Variants in PRRC2B observed in about 807,000 individuals in gnomAD.
PRRC2B encodes proline rich coiled-coil 2B.
A neutral mutation model predicts 242.3 loss-of-function variants in PRRC2B; 68 were observed. The observed-to-expected ratio is 0.28, with a 90% CI of 0.23 to 0.34. PRRC2B has a LOEUF of 0.34. PRRC2B is among the 10% of genes least tolerant of loss of function. The probability of loss-of-function intolerance (pLI) is 1.00; values close to 1 mark genes in which losing one functional copy is unlikely to be tolerated. For missense variants in PRRC2B, 2,835 were observed against 2,954.8 expected, an observed-to-expected ratio of 0.96 and a Z score of 0.94; for synonymous variants, 1,228 against 1,173.6, an observed-to-expected ratio of 1.05 and a Z score of -0.95.
intron 1 of PRRC2B, among the ~76,000 whole-genome samples, chr9:131,405,371 C>T (rs566046851): frequency 3.3e-5 from 5 of 152,302 alleles, no homozygotes; most frequent in African/African-American, 1.2e-4. Flanking sequence ...GAGCCTGGTG[C>T]ATAAAATTCA....
intron 1 of PRRC2B, among the ~76,000 whole-genome samples, chr9:131,394,596 C>A (rs1480190201): frequency 2.7e-5 from 4 of 150,914 alleles, no homozygotes; most frequent in African/African-American, 9.7e-5. Flanking sequence ...CCCCCGAGGC[C>A]GGGCCGGGCT....
At chr9:131,396,279 T>G (rs1837053417) in intron 1 of PRRC2B, among the ~76,000 whole-genome samples, 2 of 151,188 alleles carry the variant, frequency 1.3e-5, no homozygotes, top group South Asian at 4.2e-4. Flanking sequence ...TCCCTCCCTT[T>G]CCCTTCCTTT....
In PRRC2B at chr9:131,499,263, C is replaced by G. The variant is rs1944407590; in HGVS notation, c.*3389C>G. Reference sequence around the variant, plus strand: ...AGCTGAGCACACACAGGTGCACAGCCATGCTGTGGTCTGGCCTGCTACGGC... The same window carrying G: ...AGCTGAGCACACACAGGTGCACAGCGATGCTGTGGTCTGGCCTGCTACGGC... On this transcript the variant is annotated 3_prime_UTR_variant, in exon 32 of 32. Coordinates refer to ENST00000683519, the MANE Select transcript of PRRC2B (RefSeq NM_013318.4). 1 of 152,316 alleles carries G rather than the reference C, an allele frequency of 6.6e-6. No homozygotes were observed. The highest frequency in any genetic ancestry group is 1.9e-4 in the East Asian group (1 of 5,172). 9.4% of individuals were successfully genotyped at this position (152,316 alleles called of 1,614,324 possible).
chr9:131,401,444 C>T (rs1473928896), intron 1 of PRRC2B, among the ~76,000 whole-genome samples: 1 of 151,306 alleles, frequency 6.6e-6, no homozygotes, highest in African/African-American at 2.4e-5. Flanking sequence ...TGCAGTGGCA[C>T]GATCTTGGCT....
rs138455227 is a variant in PRRC2B, at chr9:131,388,606, C to T, written c.-56+14875C>T. ...GTCACCAGGCTGGAGTGCAGTGGCGCGATCTTGGCTCACTGCAACCTCCGC... is the reference window on the plus strand; with the variant it reads ...GTCACCAGGCTGGAGTGCAGTGGCGTGATCTTGGCTCACTGCAACCTCCGC... On this transcript the variant is annotated intron_variant, in intron 1 of 1. Transcript: ENST00000682525. Among the ~76,000 whole-genome samples, 525 of 145,306 alleles carry T rather than the reference C, an allele frequency of 3.6e-3. 13 individuals are homozygous for T. Among genetic ancestry groups the T allele is most frequent in the Middle Eastern group, 0.015 (4 of 264 alleles).
intron 23 of PRRC2B, 109 bp downstream of exon 23, chr9:131,483,554 C>A: frequency 2.2e-6 from 2 of 912,486 alleles, no homozygotes; most frequent in South Asian, 1.4e-5. Flanking sequence ...GCACGTGACT[C>A]AGTTGCTAGC....
intron 11 of PRRC2B, among the ~76,000 whole-genome samples, chr9:131,460,014 G>T (rs1341115932): frequency 1.4e-5 from 2 of 140,494 alleles, no homozygotes; most frequent in African/African-American, 5.4e-5. Flanking sequence ...AATTAAAACA[G>T]CTTCAAAGTG....
In PRRC2B at chr9:131,482,656, G is replaced by C. The variant is rs2131463469; in HGVS notation, c.5176-54G>C. 1.3e-6 allele frequency: 2 copies of C among 1,522,450 alleles called. No homozygotes were observed. Among genetic ancestry groups the C allele is most frequent in the East Asian group, 4.6e-5 (2 of 43,436 alleles). 94.3% of individuals were successfully genotyped at this position (1,522,450 alleles called of 1,614,324 possible). A position where few individuals can be genotyped will look rare whatever the true frequency, so the allele number is the denominator to read the frequency against. On this transcript the variant is annotated intron_variant, in intron 21 of 31. Coordinates refer to ENST00000683519, the MANE Select transcript of PRRC2B (RefSeq NM_013318.4). The surrounding 1 kb of genome is among the most constrained non-coding windows in gnomAD (Gnocchi z 5.2). ...TCAATTCCTGGGACAGTAGAAGCTA[G>C]AGAGTGTGGTCATTCCAGTCTGTGT...
intron 1 of PRRC2B, among the ~76,000 whole-genome samples, chr9:131,410,527 A>G (rs1837481112): frequency 6.6e-6 from 1 of 152,180 alleles, no homozygotes. Context: ...ACACTGCCCA[A>G]GTAAGTCTGG....
chr9:131,384,433 C>T (rs147576336), intron 1 of PRRC2B, among the ~76,000 whole-genome samples: 2,233 of 152,234 alleles, frequency 0.015, 65 homozygotes, highest in African/African-American at 0.051. Context: ...CAGGCACGCA[C>T]CACCATGCCC....
At chr9:131,440,370 G>A (rs1184984097) in intron 5 of PRRC2B, among the ~76,000 whole-genome samples, 1 of 151,996 alleles carries the variant, frequency 6.6e-6, no homozygotes, top group African/African-American at 2.4e-5. Flanking sequence ...GAGTGCAGTG[G>A]CACAATAGCT....
At chr9:131,461,140 A>C (rs145228380) in intron 11 of PRRC2B, among the ~76,000 whole-genome samples, 1 of 152,076 alleles carries the variant, frequency 6.6e-6, no homozygotes, top group African/African-American at 2.4e-5. Context: ...CCTCGTATTT[A>C]TACTCACTTG....
intron 29 of PRRC2B, 32 bp downstream of exon 29, chr9:131,491,612 G>A: frequency 6.4e-7 from 1 of 1,574,648 alleles, no homozygotes; most frequent in Non-Finnish European, 8.6e-7. Flanking sequence ...CTGACCCTAG[G>A]GAGGGGGCCT....
intron 1 of PRRC2B, among the ~76,000 whole-genome samples, chr9:131,415,102 C>T (rs1837612131): frequency 6.6e-6 from 1 of 151,952 alleles, no homozygotes; most frequent in African/African-American, 2.4e-5. Flanking sequence ...AAGCGATTCT[C>T]CTGTTTTCAG....
At chr9:131,477,665 T>TTGTGTGCAGGC (rs1943742414) in intron 16 of PRRC2B, 79 bp from the exon 17 acceptor site, 3 of 852,668 alleles carry the variant, frequency 3.5e-6, no homozygotes, top group Non-Finnish European at 5.5e-6. Flanking sequence ...GGTGCCGGGC[T>TTGTGTGCAGGC]TGTGTGCAGG....
rs1232246461 is a variant in PRRC2B at position 131,385,336 on chromosome 9, C to T, written c.-56+11605C>T. ...AGCCTGGGTAACGAGCGAAAAACTC[C>T]GTCTCAAAAAAAAAAAAAGTTTCCT... On this transcript the variant is annotated intron_variant, in intron 1 of 1. Coordinates refer to the PRRC2B transcript ENST00000682525. Among the ~76,000 whole-genome samples, 31 of 148,566 alleles carry T rather than the reference C, an allele frequency of 2.1e-4. 3 individuals are homozygous for T. Among genetic ancestry groups the T allele is most frequent in the Admixed American group, 7.7e-4 (11 of 14,288 alleles).
intron 1 of PRRC2B, among the ~76,000 whole-genome samples, chr9:131,408,758 G>C (rs569747607): frequency 6.7e-6 from 1 of 148,712 alleles, no homozygotes; most frequent in Middle Eastern, 3.4e-3. Context: ...TACTCTTGTT[G>C]CCCGGGCTGG....
chr9:131,425,705 G>A (rs1446825773), intron 1 of PRRC2B, among the ~76,000 whole-genome samples: 1 of 150,018 alleles, frequency 6.7e-6, no homozygotes, highest in Non-Finnish European at 1.5e-5. Context: ...TAGCCAGGAT[G>A]ATCTCGATCT....
intron 1 of PRRC2B, among the ~76,000 whole-genome samples, chr9:131,382,466 C>G (rs1266595009): frequency 6.6e-6 from 1 of 152,074 alleles, no homozygotes; most frequent in Non-Finnish European, 1.5e-5. Flanking sequence ...TGCCAGGAGT[C>G]CCAGGGAACC....
Sources: allele counts gnomAD v4.1 joint callset (sites outside exome capture counted in the v4.1 genomes callset), GRCh38; gene constraint gnomAD v4.1.1; non-coding constraint Gnocchi (gnomAD v3.1); transcripts MANE v1.5; gene names NCBI Gene and HGNC (gene_info 2026-07-23, HGNC 2026-07-21).